The following EPN2 variants were observed in gnomAD, a reference collection of about 807,000 sequenced individuals.
The protein encoded by EPN2 is epsin-2.
EPN2 carries 34 observed loss-of-function variants against 61.7 expected under a neutral mutation model. The ratio of observed to expected loss-of-function variants is 0.55; its 90% CI spans 0.42 to 0.73. The LOEUF is 0.73. EPN2 is among the 30% of genes least tolerant of loss of function. The probability of loss-of-function intolerance (pLI) is 0.00; values close to 1 mark genes in which losing one functional copy is unlikely to be tolerated. For missense variants in EPN2, 714 were observed against 839.2 expected (o/e 0.85, Z 1.84); for synonymous variants, 349 against 353.6 (o/e 0.99, Z 0.15).
chr17:19,299,097 G>C (rs1371857356), intron 4 of EPN2, among the ~76,000 whole-genome samples: 1 of 152,186 alleles, frequency 6.6e-6, no homozygotes, highest in African/African-American at 2.4e-5. Context: ...CCCCCCAGCA[G>C]TGAAGGAGAG....
At chr17:19,244,933 C>T (rs899072532) in intron 1 of EPN2, among the ~76,000 whole-genome samples, 3 of 152,146 alleles carry the variant, frequency 2.0e-5, no homozygotes, top group Non-Finnish European at 4.4e-5. Flanking sequence ...GCTTTATTTC[C>T]ACGACCTCAT....
In EPN2 at chr17:19,289,074, G is replaced by GTTT. The variant is rs1162172422; in HGVS notation, c.766+3310_766+3312dup. ...TGGGCAGTAGCCAGGTTCTGGGTATGTTTTTTTTTTTTTTTTTTTTTTTTT... is the reference window on the plus strand; with the variant it reads ...TGGGCAGTAGCCAGGTTCTGGGTATGTTTTTTTTTTTTTTTTTTTTTTTTTTTT... On this transcript the variant is annotated intron_variant, in intron 4 of 10. Transcript: ENST00000314728. Among the ~76,000 whole-genome samples, 192 of 68,686 alleles carry GTTT rather than the reference G, an allele frequency of 2.8e-3. 26 individuals are homozygous for GTTT. In the East Asian group the frequency reaches 0.038, roughly 14 times the overall value. 45.1% of individuals were successfully genotyped at this position (68,686 alleles called of 152,430 possible).
At position 19,328,832 on chromosome 17, in the gene EPN2, A is replaced by G; in HGVS notation, c.1269A>G (p.Lys423=). 6.2e-7 allele frequency: 1 copy of G among 1,613,502 alleles called. No homozygotes were observed. The highest frequency in any genetic ancestry group is 8.5e-7 in the Non-Finnish European group (1 of 1,179,666). Residue 423 remains lysine (K), a synonymous_variant, in exon 8 of 11, where the codon AAA becomes AAG. Transcript: ENST00000314728. ...AGCAGCCTGCCTCCAGTGCTGGGAA[A>G]AGAGCTTCTGACGCGTGGGGCGCAG... ...ASQQPASSAG[K]RASDAWGAVS...
In EPN2 at chr17:19,321,253, C is replaced by G. The variant is rs529715717; in HGVS notation, c.1148-7458C>G. Among the ~76,000 whole-genome samples, 9 of 152,284 alleles carry G rather than the reference C, an allele frequency of 5.9e-5. No homozygotes were observed. In the East Asian group the frequency reaches 1.7e-3, roughly 29 times the overall value. On this transcript the variant is annotated intron_variant, in intron 7 of 10. Coordinates refer to ENST00000314728, the MANE Select transcript of EPN2 (RefSeq NM_014964.5). ...AGTGGCTAGGAGGTGACCACCAACA[C>G]TCAGACCCCCTTTGCTGTGTTGTTC...
chr17:19,304,261 A>G (rs542521087), intron 4 of EPN2, among the ~76,000 whole-genome samples: 2 of 152,314 alleles, frequency 1.3e-5, no homozygotes, highest in East Asian at 3.9e-4. Flanking sequence ...GAACGTCCTC[A>G]GTAGCCAAGG....
chr17:19,280,727 C>T (rs541886658), intron 1 of EPN2, among the ~76,000 whole-genome samples: 4 of 152,164 alleles, frequency 2.6e-5, no homozygotes, highest in Non-Finnish European at 5.9e-5. Context: ...TTTCTCCCCA[C>T]GTAACAAGCA....
At chr17:19,329,157 A>G (rs1907043309) in intron 8 of EPN2, 4 of 470,654 alleles carry the variant, frequency 8.5e-6, no homozygotes, top group Non-Finnish European at 1.5e-5. Flanking sequence ...CTGGGCCCAC[A>G]GCCTGTGGGT....
At chr17:19,327,787 T>C (rs946092820) in intron 7 of EPN2, among the ~76,000 whole-genome samples, 2 of 152,020 alleles carry the variant, frequency 1.3e-5, no homozygotes, top group African/African-American at 4.8e-5. Context: ...CAAGATAAAC[T>C]AGAAGGAGAA....
intron 9 of EPN2, 68 bp downstream of exon 9, chr17:19,329,715 A>G: frequency 1.0e-6 from 1 of 966,160 alleles, no homozygotes; most frequent in South Asian, 1.5e-5. Flanking sequence ...TTGCAGAAAT[A>G]ATAATCAGCT....
chr17:19,277,400 CAAAAAAAAA>C (rs58679739), intron 1 of EPN2, among the ~76,000 whole-genome samples: 6 of 75,480 alleles, frequency 7.9e-5, no homozygotes, highest in African/African-American at 2.8e-4. Context: ...GACTCTGTCT[CAAAAAAAAA>C]AAAAAAAAAA....
chr17:19,330,067 G>A (rs1907086290), intron 9 of EPN2, among the ~76,000 whole-genome samples: 1 of 152,202 alleles, frequency 6.6e-6, no homozygotes, highest in East Asian at 1.9e-4. Flanking sequence ...GACCGCTCCA[G>A]CCCAGCAGAC....
At chr17:19,311,136 C>T (rs1047269511) in intron 5 of EPN2, among the ~76,000 whole-genome samples, 2 of 152,134 alleles carry the variant, frequency 1.3e-5, no homozygotes, top group African/African-American at 4.8e-5. Context: ...GTTTGTGTGT[C>T]TATAACTGGC....
At chr17:19,254,678 C>T (rs991714392) in intron 1 of EPN2, among the ~76,000 whole-genome samples, 2 of 152,122 alleles carry the variant, frequency 1.3e-5, no homozygotes, top group African/African-American at 4.8e-5. Flanking sequence ...GATGGGCAAA[C>T]CCCACCCTTC....
At chr17:19,325,030 A>C (rs1257850319) in intron 7 of EPN2, among the ~76,000 whole-genome samples, 1 of 152,226 alleles carries the variant, frequency 6.6e-6, no homozygotes, top group African/African-American at 2.4e-5. Flanking sequence ...AAAATTAAAA[A>C]GGAAACAGCA....
intron 1 of EPN2, among the ~76,000 whole-genome samples, chr17:19,276,764 T>G (rs1267695935): frequency 1.4e-5 from 2 of 144,122 alleles, no homozygotes; most frequent in African/African-American, 5.2e-5. Context: ...ATGTAATTTA[T>G]GAGAATAAGT....
At chr17:19,261,726 G>T (rs2045143945) in intron 1 of EPN2, among the ~76,000 whole-genome samples, 1 of 152,236 alleles carries the variant, frequency 6.6e-6, no homozygotes, top group South Asian at 2.1e-4. Context: ...TGGGCTACAT[G>T]ATGTGAGAAC....
intron 1 of EPN2, among the ~76,000 whole-genome samples, chr17:19,275,222 G>A (rs533257820): frequency 1.3e-5 from 2 of 152,314 alleles, no homozygotes; most frequent in Non-Finnish European, 2.9e-5. Context: ...AGGTTCAGGG[G>A]AGCGCCCATG....
intron 7 of EPN2, among the ~76,000 whole-genome samples, chr17:19,319,709 A>G (rs1189862972): frequency 2.7e-5 from 4 of 149,728 alleles, no homozygotes; most frequent in Admixed American, 6.7e-5. Context: ...ATGCAGTGGT[A>G]TGATCTGGGC....
intron 7 of EPN2, among the ~76,000 whole-genome samples, chr17:19,320,687 A>C (rs990661294): frequency 1.3e-5 from 2 of 152,242 alleles, no homozygotes; most frequent in African/African-American, 4.8e-5. Context: ...CCCAGGGTGC[A>C]TGAATACCAC....
Sources: gnomAD v4.1 joint callset for allele counts (sites outside exome capture counted in the v4.1 genomes callset) on GRCh38, gnomAD v4.1.1 for gene constraint, MANE v1.5 for transcripts, NCBI Gene and HGNC (gene_info 2026-07-23, HGNC 2026-07-21) for gene names.